GUCY1A2: variants seen among roughly 807,000 people sequenced by gnomAD.
GUCY1A2 encodes guanylate cyclase 1 soluble subunit alpha 2.
In GUCY1A2, 27 loss-of-function variants were observed where a neutral mutation model predicts 63.5. That is an observed-to-expected ratio of 0.43 (90% CI 0.31 to 0.59). The LOEUF is 0.59. Among genes scored for constraint, GUCY1A2 ranks in the 20% least tolerant of loss-of-function variants. The pLI is 0.11. For missense variants in GUCY1A2, 768 were observed against 913.3 expected (o/e 0.84, Z 2.05); for synonymous variants, 364 against 343.5 (o/e 1.06, Z -0.66).
chr11:106,981,908 C>G (rs2510597), intron 2 of GUCY1A2, among the ~76,000 whole-genome samples: 1 of 151,834 alleles, frequency 6.6e-6, no homozygotes, highest in Non-Finnish European at 1.5e-5. Flanking sequence ...GAAGACAATC[C>G]ACAAAAGTTG....
At chr11:106,902,611 G>T (rs1473203775) in intron 4 of GUCY1A2, among the ~76,000 whole-genome samples, 19 of 152,110 alleles carry the variant, frequency 1.2e-4, no homozygotes, top group Admixed American at 1.1e-3. Flanking sequence ...ATCAACACAT[G>T]CTGCTGGTTT....
At chr11:106,837,373 A>C (rs1205867470) in intron 4 of GUCY1A2, among the ~76,000 whole-genome samples, 2 of 151,898 alleles carry the variant, frequency 1.3e-5, no homozygotes, top group Non-Finnish European at 2.9e-5. Context: ...TATGTACCAC[A>C]TTTCTTTATC....
intron 5 of GUCY1A2, among the ~76,000 whole-genome samples, chr11:106,791,647 G>A (rs149381873): frequency 3.2e-4 from 49 of 152,086 alleles, no homozygotes; most frequent in East Asian, 1.5e-3. Flanking sequence ...ATATATCTAC[G>A]GAATTACTAT....
At chr11:106,879,866 T>C (rs371953576) in intron 4 of GUCY1A2, among the ~76,000 whole-genome samples, 2 of 152,104 alleles carry the variant, frequency 1.3e-5, no homozygotes, top group South Asian at 4.1e-4. Context: ...GACCTCTCTA[T>C]TGAGCAACTG....
At chr11:106,948,534 T>C (rs555010393) in intron 3 of GUCY1A2, among the ~76,000 whole-genome samples, 2 of 152,242 alleles carry the variant, frequency 1.3e-5, no homozygotes, top group Admixed American at 1.3e-4. Flanking sequence ...TAATAAAAGA[T>C]CTTTTCCAAA....
At chr11:107,016,452 A>G (rs1157699053) in intron 1 of GUCY1A2, among the ~76,000 whole-genome samples, 1 of 152,240 alleles carries the variant, frequency 6.6e-6, no homozygotes, top group Non-Finnish European at 1.5e-5. Flanking sequence ...CAAGAGGTAA[A>G]AGCCAAGGGT....
chr11:106,807,257 A>G (rs1184506852), intron 5 of GUCY1A2, among the ~76,000 whole-genome samples: 1 of 152,188 alleles, frequency 6.6e-6, no homozygotes, highest in African/African-American at 2.4e-5. Flanking sequence ...TTGTTTCAAT[A>G]GCCATTAAAA....
intron 6 of GUCY1A2, among the ~76,000 whole-genome samples, chr11:106,712,656 T>A (rs558710165): frequency 6.6e-6 from 1 of 152,258 alleles, no homozygotes; most frequent in South Asian, 2.1e-4. Context: ...TTGGAAAAAA[T>A]TTGTTCCTTT....
intron 4 of GUCY1A2, among the ~76,000 whole-genome samples, chr11:106,904,827 A>T (rs1170489513): frequency 2.0e-5 from 3 of 152,114 alleles, no homozygotes; most frequent in Non-Finnish European, 4.4e-5. Context: ...GAGGAAAAAA[A>T]GTATGATGCC....
At chr11:106,916,731 C>T (rs1461322225) in intron 4 of GUCY1A2, among the ~76,000 whole-genome samples, 1 of 145,598 alleles carries the variant, frequency 6.9e-6, no homozygotes, top group African/African-American at 2.4e-5. Context: ...GCTAAGTAAA[C>T]TGACTCGTTG....
At chr11:106,967,700 CAGGA>C (rs1475104289) in intron 3 of GUCY1A2, among the ~76,000 whole-genome samples, 2 of 115,072 alleles carry the variant, frequency 1.7e-5, no homozygotes. Context: ...AAAAGGGAGG[CAGGA>C]AGGAAGGAAG....
chr11:106,979,219 G>C (rs758988738), intron 2 of GUCY1A2, among the ~76,000 whole-genome samples: 1 of 152,118 alleles, frequency 6.6e-6, no homozygotes, highest in Non-Finnish European at 1.5e-5. Flanking sequence ...ACTTTGGGAG[G>C]CCCAGGCGGG....
intron 7 of GUCY1A2, among the ~76,000 whole-genome samples, chr11:106,706,656 C>CTTT (rs200165244): frequency 7.3e-6 from 1 of 137,734 alleles, no homozygotes; most frequent in Non-Finnish European, 1.6e-5. Context: ...TTTTACACAT[C>CTTT]TTTTTTTTTT....
At chr11:106,968,400 A>G (rs1429420398) in intron 3 of GUCY1A2, among the ~76,000 whole-genome samples, 1 of 152,206 alleles carries the variant, frequency 6.6e-6, no homozygotes, top group East Asian at 1.9e-4. Flanking sequence ...CCTAGGAAGA[A>G]TAAAAGCATA....
intron 2 of GUCY1A2, among the ~76,000 whole-genome samples, chr11:106,982,267 C>T (rs1218478347): frequency 1.3e-5 from 2 of 152,090 alleles, no homozygotes; most frequent in Non-Finnish European, 1.5e-5. Flanking sequence ...AAAAAAAGTA[C>T]CATTATAAAC....
At chr11:106,787,104 G>T (rs1254268592) in intron 5 of GUCY1A2, among the ~76,000 whole-genome samples, 1 of 151,768 alleles carries the variant, frequency 6.6e-6, no homozygotes, top group East Asian at 1.9e-4. Flanking sequence ...TTGTGTGGTG[G>T]TTTCTTTTTT....
intron 4 of GUCY1A2, among the ~76,000 whole-genome samples, chr11:106,878,291 A>G (rs943642637): frequency 6.6e-6 from 1 of 152,112 alleles, no homozygotes; most frequent in African/African-American, 2.4e-5. Flanking sequence ...GTATACCCAA[A>G]GGAATACAAA....
intron 6 of GUCY1A2, among the ~76,000 whole-genome samples, chr11:106,730,196 G>T (rs2135370605): frequency 6.6e-6 from 1 of 150,760 alleles, no homozygotes; most frequent in East Asian, 2.0e-4. Flanking sequence ...ACGGGTGTTT[G>T]TTGTACAGAT....
chr11:106,939,881 T>C lies in GUCY1A2; in HGVS notation c.785A>G (p.Tyr262Cys), dbSNP rs757213327. The change falls in exon 4 of 8, where the codon TAT becomes TGT. Residue 262 changes from tyrosine (Y) to cysteine (C), a missense_variant. Physicochemically the swap from Tyr to Cys is radical, Grantham distance 194. Coordinates refer to ENST00000526355, the MANE Select transcript of GUCY1A2 (RefSeq NM_000855.3). ...CTGTTCCACTTCCACATCCAGCCGA[T>C]AGATCTTCTTTCCTGCAGCCTTAAT... ...GMIKAAGKKI[Y>C]RLDVEVEQVA... The C allele has an allele frequency of 4.3e-6, 7 of 1,614,154 alleles. No individual in the cohort carries two copies. Among genetic ancestry groups the C allele is most frequent in the East Asian group, 2.2e-5 (1 of 44,878 alleles).
Sources: gnomAD v4.1 joint callset for allele counts (sites outside exome capture counted in the v4.1 genomes callset) on GRCh38, gnomAD v4.1.1 for gene constraint, MANE v1.5 for transcripts, NCBI Gene and HGNC (gene_info 2026-07-23, HGNC 2026-07-21) for gene names.